Variants in RORA observed in about 807,000 individuals in gnomAD.
RORA encodes nuclear receptor ROR-alpha.
A neutral mutation model predicts 69.5 loss-of-function variants in RORA; 7 were observed. That is an observed-to-expected ratio of 0.10 (90% CI 0.06 to 0.19). RORA has a LOEUF of 0.19. Among genes scored for constraint, RORA ranks in the 10% least tolerant of loss-of-function variants. The probability of loss-of-function intolerance (pLI) is 1.00; values close to 1 mark genes in which losing one functional copy is unlikely to be tolerated. For missense variants in RORA, 457 were observed against 663.0 expected, an observed-to-expected ratio of 0.69 and a Z score of 3.41; for synonymous variants, 261 against 240.8, an observed-to-expected ratio of 1.08 and a Z score of -0.78.
intron 1 of RORA, among the ~76,000 whole-genome samples, chr15:61,073,808 T>G (rs937577862): frequency 6.6e-6 from 1 of 152,210 alleles, no homozygotes; most frequent in African/African-American, 2.4e-5. Flanking sequence ...TGGGGTTTTC[T>G]GGAGTTACTC....
chr15:60,500,572 G>A (rs1044707725), intron 9 of RORA, among the ~76,000 whole-genome samples: 3 of 151,758 alleles, frequency 2.0e-5, no homozygotes, highest in African/African-American at 4.9e-5. Context: ...TAATCTAGTG[G>A]ATGACATCTA....
intron 1 of RORA, among the ~76,000 whole-genome samples, chr15:60,766,155 G>C (rs941688477): frequency 6.6e-6 from 1 of 152,024 alleles, no homozygotes; most frequent in Non-Finnish European, 1.5e-5. Context: ...CTGGACTGTT[G>C]TTGAAAATAG....
chr15:61,024,308 G>C (rs1451599577), intron 1 of RORA, among the ~76,000 whole-genome samples: 1 of 91,270 alleles, frequency 1.1e-5, no homozygotes, highest in East Asian at 3.5e-4. Flanking sequence ...ACAGAATCTT[G>C]CTCTGGTGCC....
At chr15:61,011,711 C>T (rs752258264) in intron 1 of RORA, among the ~76,000 whole-genome samples, 4 of 152,184 alleles carry the variant, frequency 2.6e-5, no homozygotes, top group Non-Finnish European at 2.9e-5. Context: ...CTGGCATTTA[C>T]TACAGTCACT....
intron 1 of RORA, among the ~76,000 whole-genome samples, chr15:60,840,728 C>T (rs2140402722): frequency 6.6e-6 from 1 of 152,302 alleles, no homozygotes; most frequent in South Asian, 2.1e-4. Flanking sequence ...TCTGGACATC[C>T]CAGGAATGGG....
chr15:60,868,497 T>A (rs2073515137), intron 1 of RORA, among the ~76,000 whole-genome samples: 1 of 152,190 alleles, frequency 6.6e-6, no homozygotes, highest in South Asian at 2.1e-4. Flanking sequence ...ACCTGATGGT[T>A]CTGTTGGGCT....
At chr15:60,831,485 A>G (rs556244219) in intron 1 of RORA, among the ~76,000 whole-genome samples, 4 of 152,188 alleles carry the variant, frequency 2.6e-5, no homozygotes, top group African/African-American at 4.8e-5. Flanking sequence ...GGCCACTTCA[A>G]TGGAAAATCT....
chr15:60,997,580 T>C (rs1894597101), intron 1 of RORA, among the ~76,000 whole-genome samples: 1 of 152,170 alleles, frequency 6.6e-6, no homozygotes, highest in East Asian at 1.9e-4. Context: ...AAATAGTGTG[T>C]TTTAAAAAAT....
intron 1 of RORA, among the ~76,000 whole-genome samples, chr15:60,950,461 A>G: frequency 2.4e-5 from 2 of 82,476 alleles, no homozygotes; most frequent in Non-Finnish European, 4.8e-5. Flanking sequence ...ATGTAAATGG[A>G]CTAAATGTTC....
intron 1 of RORA, among the ~76,000 whole-genome samples, chr15:60,695,209 G>A (rs2070885045): frequency 6.6e-6 from 1 of 152,054 alleles, no homozygotes; most frequent in Non-Finnish European, 1.5e-5. Context: ...CCCCACCCAC[G>A]TTCCTAGAAG....
intron 3 of RORA, among the ~76,000 whole-genome samples, chr15:60,526,882 G>C (rs2066374810): frequency 6.6e-6 from 1 of 152,166 alleles, no homozygotes; most frequent in Non-Finnish European, 1.5e-5. Flanking sequence ...AACATAAAAA[G>C]CTCCAGAAAT....
chr15:60,931,385 T>C (rs1018884487), intron 1 of RORA, among the ~76,000 whole-genome samples: 8 of 152,178 alleles, frequency 5.3e-5, no homozygotes, highest in African/African-American at 1.9e-4. Context: ...TCTGGCTCCA[T>C]GGGGAAGCAG....
At chr15:60,922,636 T>G (rs984103369) in intron 1 of RORA, among the ~76,000 whole-genome samples, 3 of 152,250 alleles carry the variant, frequency 2.0e-5, no homozygotes, top group Admixed American at 2.0e-4. Flanking sequence ...TTCTTCATTC[T>G]TAATTAATTC....
rs1008810410 is a variant in RORA at position 60,511,689 on chromosome 15, T to A, written c.425-68A>T. The A allele has an allele frequency of 1.1e-5, 17 of 1,479,980 alleles. No homozygotes were observed. The highest frequency in any genetic ancestry group is 1.5e-5 in the Non-Finnish European group (17 of 1,111,190). 91.7% of individuals were successfully genotyped at this position (1,479,980 alleles called of 1,614,324 possible). ...TCTTCAATATTCTCTCCTGCGAGCT[T>A]TGGGGTTTCCTTTGAAGTCTCACAC... is the stretch of plus-strand genomic sequence containing the variant. On this transcript the variant is annotated intron_variant, in intron 4 of 10. Transcript: ENST00000335670. This position sits in a 1 kb window ranked among gnomAD's most constrained non-coding sequence, Gnocchi z 6.4.
rs542113097 is a variant in RORA at position 61,150,430 on chromosome 15, G to T, written c.166+78623C>A. On this transcript the variant is annotated intron_variant, in intron 1 of 10. Coordinates refer to ENST00000335670, the MANE Select transcript of RORA (RefSeq NM_134261.3). ...ACAAACAGACAGTCTCATACATTTG[G>T]TCTATATTTAATGACCTTGTTCAGC... Among the ~76,000 whole-genome samples, 5 of 152,096 alleles carry T rather than the reference G, an allele frequency of 3.3e-5. No homozygotes were observed. In the South Asian group the frequency reaches 1.0e-3, roughly 31 times the overall value.
intron 1 of RORA, among the ~76,000 whole-genome samples, chr15:60,869,488 C>T (rs2073528515): frequency 6.6e-6 from 1 of 152,164 alleles, no homozygotes; most frequent in Non-Finnish European, 1.5e-5. Flanking sequence ...GTTCAGCCAA[C>T]ACTTTGGTTA....
At chr15:61,055,946 T>C (rs972571845) in intron 1 of RORA, among the ~76,000 whole-genome samples, 1 of 152,214 alleles carries the variant, frequency 6.6e-6, no homozygotes, top group African/African-American at 2.4e-5. Flanking sequence ...GTAACTAGTG[T>C]TATTGAAAAG....
chr15:60,526,993 G>A (rs59176152), intron 3 of RORA, among the ~76,000 whole-genome samples: 10,456 of 152,226 alleles, frequency 0.069, 1,230 homozygotes, highest in African/African-American at 0.24. Context: ...TTAACGCAGA[G>A]ACATTGTCTC....
chr15:60,709,618 T>C (rs2071115458), intron 1 of RORA, among the ~76,000 whole-genome samples: 1 of 151,646 alleles, frequency 6.6e-6, no homozygotes, highest in South Asian at 2.1e-4. Context: ...GTGAGGGATC[T>C]AGGTTGTGCG....
Sources: allele counts gnomAD v4.1 joint callset (sites outside exome capture counted in the v4.1 genomes callset), GRCh38; gene constraint gnomAD v4.1.1; non-coding constraint Gnocchi (gnomAD v3.1); transcripts MANE v1.5; gene names NCBI Gene and HGNC (gene_info 2026-07-23, HGNC 2026-07-21).